The following HMCN1 variants were observed in gnomAD, a reference collection of about 807,000 sequenced individuals.
HMCN1 encodes hemicentin 1.
HMCN1 carries 321 observed loss-of-function variants against 625.9 expected under a neutral mutation model. The observed-to-expected ratio is 0.51, with a 90% CI of 0.47 to 0.56. HMCN1 has a LOEUF of 0.56. Among genes scored for constraint, HMCN1 ranks in the 20% least tolerant of loss-of-function variants. The probability of loss-of-function intolerance (pLI) is 0.00; values close to 1 mark genes in which losing one functional copy is unlikely to be tolerated. For missense variants in HMCN1, 6,588 were observed against 6,887.3 expected, an observed-to-expected ratio of 0.96 and a Z score of 1.54; for synonymous variants, 2,425 against 2,417.6, an observed-to-expected ratio of 1.00 and a Z score of -0.09.
chr1:185,779,446 C>A (rs1656887984), intron 1 of HMCN1, among the ~76,000 whole-genome samples: 1 of 152,178 alleles, frequency 6.6e-6, no homozygotes, highest in African/African-American at 2.4e-5. Context: ...AATGGTATTG[C>A]CTAAGTTTTC....
intron 72 of HMCN1, 100 bp downstream of exon 72, chr1:186,113,053 T>A: frequency 1.4e-6 from 2 of 1,398,938 alleles, no homozygotes; most frequent in South Asian, 2.4e-5. Flanking sequence ...TGAAGCCTTG[T>A]GCTTATCTTA....
chr1:186,124,148 TAAAC>T (rs1189739320), intron 81 of HMCN1, among the ~76,000 whole-genome samples: 2 of 152,090 alleles, frequency 1.3e-5, no homozygotes, highest in African/African-American at 2.4e-5. Flanking sequence ...GACCATATAC[TAAAC>T]AAAGAAATTG....
rs760636262 is a variant in HMCN1, at chr1:186,057,340, C to T, written c.7251C>T (p.Ser2417=). The T allele has an allele frequency of 6.2e-7, 1 of 1,610,854 alleles. No individual in the cohort carries two copies. Among genetic ancestry groups the T allele is most frequent in the African/African-American group, 1.3e-5 (1 of 74,752 alleles). The change falls in exon 46 of 107, where the codon TCC becomes TCT. Residue 2417 remains serine (S), a synonymous_variant. Transcript: ENST00000271588. Reference sequence around the variant, plus strand: ...AAGCTTCTGGAATTCCCCTGCCTTCCATAACCTGGTTCAAAGATGGGTGGC... The same window carrying T: ...AAGCTTCTGGAATTCCCCTGCCTTCTATAACCTGGTTCAAAGATGGGTGGC... The part of the protein sequence containing the change: ...TCEASGIPLP[S]ITWFKDGWPV...
At chr1:185,953,607 G>A (rs1649397535) in intron 11 of HMCN1, among the ~76,000 whole-genome samples, 1 of 151,840 alleles carries the variant, frequency 6.6e-6, no homozygotes, top group Admixed American at 6.6e-5. Flanking sequence ...GTAAAAAGAG[G>A]CCACTTACTG....
At chr1:185,937,901 A>AATC (rs926131399) in intron 11 of HMCN1, among the ~76,000 whole-genome samples, 2 of 147,480 alleles carry the variant, frequency 1.4e-5, no homozygotes, top group African/African-American at 2.5e-5. Flanking sequence ...TAATAATAAT[A>AATC]ATAATAATAA....
At chr1:185,908,082 C>A (rs1666195276) in intron 4 of HMCN1, among the ~76,000 whole-genome samples, 1 of 151,796 alleles carries the variant, frequency 6.6e-6, no homozygotes, top group Non-Finnish European at 1.5e-5. Context: ...AATCTGAGTC[C>A]TAATGACTGA....
At chr1:186,159,186 T>C (rs1651254100) in intron 97 of HMCN1, among the ~76,000 whole-genome samples, 1 of 152,126 alleles carries the variant, frequency 6.6e-6, no homozygotes. Context: ...TTATTCTCTT[T>C]GAAGCAATTG....
chr1:186,000,008 G>A, intron 25 of HMCN1, 37 bp from the exon 26 acceptor site: 1 of 1,424,520 alleles, frequency 7.0e-7, no homozygotes, highest in South Asian at 1.2e-5. Context: ...TTCTGTTTTT[G>A]TTGTAAAATA....
chr1:185,794,601 A>AT (rs34098989), intron 1 of HMCN1, among the ~76,000 whole-genome samples: 10,522 of 111,170 alleles, frequency 0.095, 1,079 homozygotes, highest in East Asian at 0.35. Flanking sequence ...GTCTTTACAC[A>AT]TTTTTTTTTT....
intron 1 of HMCN1, among the ~76,000 whole-genome samples, chr1:185,779,286 T>C (rs1656871559): frequency 6.6e-6 from 1 of 151,980 alleles, no homozygotes. Flanking sequence ...TTTTCTCCCA[T>C]TCTGTAGGTT....
chr1:186,038,453 A>G (rs910506809), intron 37 of HMCN1, among the ~76,000 whole-genome samples: 8 of 152,204 alleles, frequency 5.3e-5, no homozygotes, highest in Non-Finnish European at 7.4e-5. Flanking sequence ...CAGTAACAAC[A>G]TAAATCTTTG....
chr1:186,028,047 A>G (rs1558155870), intron 36 of HMCN1, among the ~76,000 whole-genome samples: 2 of 152,032 alleles, frequency 1.3e-5, no homozygotes, highest in Non-Finnish European at 2.9e-5. Flanking sequence ...ATTCCTCACT[A>G]TTTCACAATT....
At chr1:185,975,330 G>T (rs1340994620) in intron 15 of HMCN1, among the ~76,000 whole-genome samples, 1 of 152,144 alleles carries the variant, frequency 6.6e-6, no homozygotes, top group Non-Finnish European at 1.5e-5. Context: ...AGAAAGCATG[G>T]CTAGGGAGGA....
At chr1:186,103,205 T>A (rs1660464289) in intron 68 of HMCN1, among the ~76,000 whole-genome samples, 1 of 152,166 alleles carries the variant, frequency 6.6e-6, no homozygotes, top group Admixed American at 6.5e-5. Flanking sequence ...GTGAGACTGT[T>A]CTAATTAACT....
Position 186,123,203 on chromosome 1 carries a change from C to A in HMCN1, c.12482C>A (p.Thr4161Asn). ...GTAGCAGGATCAAGCAGCACAAGCA[C>A]CAAGCTCACCGTCCATGGTAGGTTG... is the stretch of plus-strand genomic sequence containing the variant. ...ANVAGSSSTS[T>N]KLTVHVPPRI... The change falls in exon 81 of 107, where the codon ACC (threonine) becomes AAC (asparagine). Residue 4161 changes from threonine to asparagine, a missense_variant. By Grantham distance (65) the Thr-to-Asn change is moderately conservative (BLOSUM62 0). Transcript: ENST00000271588. The A allele has an allele frequency of 6.2e-7, 1 of 1,613,772 alleles. No homozygotes were observed. The highest frequency in any genetic ancestry group is 1.3e-5 in the African/African-American group (1 of 75,020).
intron 70 of HMCN1, among the ~76,000 whole-genome samples, chr1:186,107,252 A>AT (rs1660654107): frequency 6.6e-6 from 1 of 152,034 alleles, no homozygotes. Flanking sequence ...CGCCCGGCTA[A>AT]TTTTTTGTAT....
chr1:186,135,470 T>C (rs1456025517), intron 86 of HMCN1, among the ~76,000 whole-genome samples: 1 of 152,204 alleles, frequency 6.6e-6, no homozygotes, highest in Non-Finnish European at 1.5e-5. Context: ...CACACATATA[T>C]ATTTCTTGCT....
At chr1:186,018,938 G>A (rs950337939) in intron 34 of HMCN1, among the ~76,000 whole-genome samples, 1 of 152,058 alleles carries the variant, frequency 6.6e-6, no homozygotes. Flanking sequence ...GGACTGGAAC[G>A]AGAAACTGGA....
chr1:185,902,409 A>C lies in HMCN1; in HGVS notation c.622-6928A>C, dbSNP rs60523363. Among the ~76,000 whole-genome samples, 635 of 75,940 alleles carry C rather than the reference A, an allele frequency of 8.4e-3. 3 individuals are homozygous for C. Among genetic ancestry groups the C allele is most frequent in the African/African-American group, 0.034 (362 of 10,570 alleles). 49.8% of individuals were successfully genotyped at this position (75,940 alleles called of 152,430 possible). On this transcript the variant is annotated intron_variant, in intron 4 of 106. Coordinates refer to ENST00000271588, the MANE Select transcript of HMCN1 (RefSeq NM_031935.3). The stretch of plus-strand genomic sequence containing the variant: ...TCTATCTATCTATCTATCTATCTCT[A>C]TCTATCTATCTATCTATCTATCTAT...
Sources: gnomAD v4.1 joint callset for allele counts (sites outside exome capture counted in the v4.1 genomes callset) on GRCh38, gnomAD v4.1.1 for gene constraint, MANE v1.5 for transcripts, NCBI Gene and HGNC (gene_info 2026-07-23, HGNC 2026-07-21) for gene names.